Variants in PBX3 observed in about 807,000 individuals in gnomAD.
The protein encoded by PBX3 is PBX homeobox 3.
A neutral mutation model predicts 48.5 loss-of-function variants in PBX3; 14 were observed. That is an observed-to-expected ratio of 0.29 (90% CI 0.19 to 0.45). PBX3 has a LOEUF of 0.45. Ranked by LOEUF, PBX3 falls within the 20% of genes least tolerant of loss-of-function variation. The probability of loss-of-function intolerance (pLI) is 1.00; values close to 1 mark genes in which losing one functional copy is unlikely to be tolerated. For synonymous variants in PBX3, 210 were observed against 200.3 expected, an observed-to-expected ratio of 1.05 and a Z score of -0.41; for missense variants, 386 against 546.7, an observed-to-expected ratio of 0.71 and a Z score of 2.93.
intron 2 of PBX3, among the ~76,000 whole-genome samples, chr9:125,835,602 G>A (rs1238051342): frequency 6.6e-6 from 1 of 152,154 alleles, no homozygotes; most frequent in African/African-American, 2.4e-5. Flanking sequence ...TGGTCAACAG[G>A]TGTATGAAAA....
At chr9:125,913,957 CAA>C (rs1268007229) in intron 2 of PBX3, among the ~76,000 whole-genome samples, 1 of 152,034 alleles carries the variant, frequency 6.6e-6, no homozygotes, top group Admixed American at 6.5e-5. Flanking sequence ...GCCAAATGCA[CAA>C]AAAACTTGCT....
intron 2 of PBX3, among the ~76,000 whole-genome samples, chr9:125,809,912 A>G (rs2132122179): frequency 1.3e-5 from 2 of 152,356 alleles, no homozygotes; most frequent in South Asian, 4.1e-4. Context: ...TGGTTATTTT[A>G]CCAAACATGA....
At chr9:125,851,824 A>G (rs1839587733) in intron 2 of PBX3, among the ~76,000 whole-genome samples, 1 of 151,214 alleles carries the variant, frequency 6.6e-6, no homozygotes. Flanking sequence ...CTCCTTAATT[A>G]AAAGCATTTG....
chr9:125,791,050 G>C (rs986257904), intron 2 of PBX3, among the ~76,000 whole-genome samples: 1 of 152,024 alleles, frequency 6.6e-6, no homozygotes, highest in Admixed American at 6.6e-5. Context: ...GAGTAGCTGG[G>C]ATTACAGGTG....
intron 5 of PBX3, among the ~76,000 whole-genome samples, chr9:125,958,684 C>T (rs375836347): frequency 4.9e-4 from 75 of 152,228 alleles, no homozygotes; most frequent in African/African-American, 1.7e-3. Context: ...AGAGGACACC[C>T]GACTTCCTCT....
chr9:125,912,599 G>A (rs1841229348), intron 2 of PBX3, among the ~76,000 whole-genome samples: 1 of 152,030 alleles, frequency 6.6e-6, no homozygotes, highest in Non-Finnish European at 1.5e-5. Context: ...TTAGGGATAC[G>A]GAAATGAATG....
chr9:125,928,529 G>A (rs1782345973), intron 3 of PBX3, among the ~76,000 whole-genome samples: 1 of 151,052 alleles, frequency 6.6e-6, no homozygotes, highest in African/African-American at 2.4e-5. Context: ...GCAGTGGCGC[G>A]ATCTCGGCTC....
intron 5 of PBX3, among the ~76,000 whole-genome samples, chr9:125,948,894 G>A (rs192047870): frequency 3.5e-4 from 54 of 152,154 alleles, no homozygotes; most frequent in African/African-American, 1.1e-3. Context: ...AGCCTCCCAA[G>A]TAGCTAGGAC....
chr9:125,752,566 CT>C (rs1836403892), intron 2 of PBX3, among the ~76,000 whole-genome samples: 1 of 150,668 alleles, frequency 6.6e-6, no homozygotes, highest in Non-Finnish European at 1.5e-5. Flanking sequence ...CAAGGCAGTA[CT>C]GTCATTCGAC....
chr9:125,938,968 T>G (rs537562535), intron 5 of PBX3, among the ~76,000 whole-genome samples: 1 of 151,328 alleles, frequency 6.6e-6, no homozygotes, highest in African/African-American at 2.4e-5. Flanking sequence ...AAAAAATGTG[T>G]GTTTGCATGT....
rs1836265253 is a variant in PBX3, at chr9:125,748,346, C to T, written c.201-204C>T. ...GCTGCCTGCCGGGCAGATGGGTCCG[C>T]CTTGTTCCGGCTGCAGCTTTCGCCG... On this transcript the variant is annotated intron_variant, in intron 1 of 8. Coordinates refer to ENST00000373489, the MANE Select transcript of PBX3 (RefSeq NM_006195.6). 7.0e-6 allele frequency: 9 copies of T among 1,294,584 alleles called. No individual in the cohort carries two copies. The South Asian group carries it at 1.6e-4, about 23-fold the overall frequency. 80.2% of individuals were successfully genotyped at this position (1,294,584 alleles called of 1,614,324 possible). A position where few individuals can be genotyped will look rare whatever the true frequency, so the allele number is the denominator to read the frequency against.
intron 2 of PBX3, among the ~76,000 whole-genome samples, chr9:125,809,717 A>T (rs1838231923): frequency 6.6e-6 from 1 of 152,234 alleles, no homozygotes; most frequent in Admixed American, 6.5e-5. Flanking sequence ...ATTAAAATTA[A>T]GAATTTCTGA....
chr9:125,790,034 C>T (rs1293216838), intron 2 of PBX3, among the ~76,000 whole-genome samples: 2 of 152,090 alleles, frequency 1.3e-5, no homozygotes, highest in Admixed American at 6.6e-5. Context: ...AACTGATGCT[C>T]ATCAAATGGA....
At chr9:125,827,236 G>C (rs374847693) in intron 2 of PBX3, among the ~76,000 whole-genome samples, 2 of 152,224 alleles carry the variant, frequency 1.3e-5, no homozygotes, top group South Asian at 4.1e-4. Flanking sequence ...AGGGTATATG[G>C]ACTTTTTGCA....
chr9:125,837,951 A>G (rs567314609), intron 2 of PBX3, among the ~76,000 whole-genome samples: 23 of 152,324 alleles, frequency 1.5e-4, no homozygotes, highest in Non-Finnish European at 2.1e-4. Flanking sequence ...CAAAGAGTGC[A>G]TTCTAGGTTT....
intron 4 of PBX3, among the ~76,000 whole-genome samples, chr9:125,932,238 C>T (rs1328293871): frequency 6.6e-6 from 1 of 152,202 alleles, no homozygotes; most frequent in African/African-American, 2.4e-5. Flanking sequence ...AGATCTTGCT[C>T]ATCGTTCCGG....
rs1212083638 is a variant in PBX3, at chr9:125,754,463, CAA to C, written c.274+5842_274+5843del. Among the ~76,000 whole-genome samples the C allele has an allele frequency of 2.6e-5, 4 of 151,960 alleles. No homozygotes were observed. The East Asian group carries it at 7.7e-4, about 29-fold the overall frequency. ...TCAGAACTAGCTATCTGATTTTTTA[CAA>C]AGTTATTGAAGTTAATCAGACAAAT... On this transcript the variant is annotated intron_variant, in intron 2 of 8. Coordinates refer to ENST00000373489, the MANE Select transcript of PBX3 (RefSeq NM_006195.6).
intron 2 of PBX3, among the ~76,000 whole-genome samples, chr9:125,864,663 T>C (rs1207016838): frequency 1.3e-5 from 2 of 152,174 alleles, no homozygotes; most frequent in Non-Finnish European, 2.9e-5. Context: ...ATAGGGTTCA[T>C]GGTCCTGTGA....
At chr9:125,878,524 G>A (rs979415918) in intron 2 of PBX3, among the ~76,000 whole-genome samples, 88 of 152,312 alleles carry the variant, frequency 5.8e-4, no homozygotes, top group African/African-American at 2.1e-3. Context: ...AACTGCAGGA[G>A]GTAGCCAGCC....
Sources: allele counts gnomAD v4.1 joint callset (sites outside exome capture counted in the v4.1 genomes callset), GRCh38; gene constraint gnomAD v4.1.1; transcripts MANE v1.5; gene names NCBI Gene and HGNC (gene_info 2026-07-23, HGNC 2026-07-21).